The following EPHA6 variants were observed in gnomAD, a reference collection of about 807,000 sequenced individuals.
EPHA6 encodes EPH receptor A6, also known as ephrin type-A receptor 6.
A neutral mutation model predicts 112.0 loss-of-function variants in EPHA6; 50 were observed. The observed-to-expected ratio is 0.45, with a 90% CI of 0.36 to 0.56. EPHA6 has a LOEUF of 0.56. Among genes scored for constraint, EPHA6 ranks in the 20% least tolerant of loss-of-function variants. The pLI, the probability that EPHA6 is intolerant of heterozygous loss-of-function variation, is 0.00. For missense variants in EPHA6, 1,280 were observed against 1,417.4 expected, an observed-to-expected ratio of 0.90 and a Z score of 1.56; for synonymous variants, 529 against 490.7, an observed-to-expected ratio of 1.08 and a Z score of -1.03.
intron 1 of EPHA6, among the ~76,000 whole-genome samples, chr3:96,842,562 T>C (rs1005162734): frequency 2.0e-5 from 3 of 152,136 alleles, no homozygotes; most frequent in African/African-American, 7.2e-5. Context: ...AGATTGAATT[T>C]AGATTAAAAT....
chr3:97,656,511 T>A (rs772801497), intron 14 of EPHA6, among the ~76,000 whole-genome samples: 6 of 151,916 alleles, frequency 3.9e-5, no homozygotes, highest in Non-Finnish European at 8.8e-5. Flanking sequence ...TCTTAAAGTG[T>A]GTGTTTAAAG....
Position 97,244,018 on chromosome 3 carries a change from G to A in EPHA6, c.1337G>A (p.Ser446Asn). The A allele has an allele frequency of 6.2e-7, 1 of 1,612,406 alleles. No individual in the cohort carries two copies. Among genetic ancestry groups the A allele is most frequent in the Non-Finnish European group, 8.5e-7 (1 of 1,179,054 alleles). The change falls in exon 5 of 18, where the codon AGC (serine) becomes AAC (asparagine). Residue 446 changes from serine to asparagine, a missense_variant. Ser to Asn is a conservative substitution (Grantham distance 46, BLOSUM62 1). This residue lies in a region of EPHA6 where 878 missense variants were observed against 999.7 expected (regional missense o/e 0.88). Transcript: ENST00000389672. Reference protein sequence around the residue: ...INETALILEWSPPSDTGGRKD... With the variant: ...INETALILEWNPPSDTGGRKD... ...GAAACAGCCCTTATTTTGGAATGGA[G>A]CCCACCAAGTGACACAGGAGGGAGA...
intron 2 of EPHA6, among the ~76,000 whole-genome samples, chr3:96,875,983 C>A (rs1294124709): frequency 1.3e-5 from 2 of 151,158 alleles, no homozygotes; most frequent in Non-Finnish European, 3.0e-5. Context: ...ATTTTATCAG[C>A]AAGTTCTAAT....
chr3:97,447,666 T>C, intron 6 of EPHA6: 3 of 548,038 alleles, frequency 5.5e-6, no homozygotes, highest in Non-Finnish European at 7.1e-6. Context: ...TGAACTGTCC[T>C]GTTCTGAGAT....
At position 97,263,827 on chromosome 3, in the gene EPHA6, G is replaced by T. The variant is rs999335760; in HGVS notation, c.1606+19540G>T. On this transcript the variant is annotated intron_variant, in intron 5 of 17. Transcript: ENST00000389672. ...GGTAAACATGAAACCAAAGGTCTCT[G>T]GCTCCTGGTTTTTATTCTAATTCTG... Among the ~76,000 whole-genome samples the T allele has an allele frequency of 2.6e-5, 4 of 152,028 alleles. No individual in the cohort carries two copies. In the South Asian group the frequency reaches 8.3e-4, roughly 32 times the overall value.
rs151071680 is a variant in EPHA6 at position 97,682,960 on chromosome 3, C to T, written c.2785-37301C>T. ...TCAGTAATTTGCTGTAACCTGACTA[C>T]AGCTTAATAACAAATACCAGCTACA... On this transcript the variant is annotated intron_variant, in intron 14 of 17. Coordinates refer to ENST00000389672, the MANE Select transcript of EPHA6 (RefSeq NM_001080448.3). Among the ~76,000 whole-genome samples the T allele has an allele frequency of 2.3e-3, 356 of 152,282 alleles. 2 individuals are homozygous for T. The highest frequency in any genetic ancestry group is 7.7e-3 in the African/African-American group (318 of 41,564).
At chr3:97,421,012 T>C (rs2088578981) in intron 6 of EPHA6, among the ~76,000 whole-genome samples, 1 of 152,130 alleles carries the variant, frequency 6.6e-6, no homozygotes, top group South Asian at 2.1e-4. Flanking sequence ...CCATCTATTC[T>C]TGGGTATTAT....
At chr3:97,557,888 G>A (rs2093135475) in intron 11 of EPHA6, among the ~76,000 whole-genome samples, 3 of 151,704 alleles carry the variant, frequency 2.0e-5, no homozygotes, top group Admixed American at 1.3e-4. Flanking sequence ...AATCCCTTAA[G>A]AATTCTCATC....
At chr3:97,040,027 G>A (rs529394710) in intron 3 of EPHA6, among the ~76,000 whole-genome samples, 4 of 151,438 alleles carry the variant, frequency 2.6e-5, no homozygotes, top group Admixed American at 1.3e-4. Context: ...TAAGAAAACT[G>A]GTAGTTAAAT....
intron 5 of EPHA6, among the ~76,000 whole-genome samples, chr3:97,310,028 G>A (rs1335316049): frequency 6.6e-6 from 1 of 151,518 alleles, no homozygotes; most frequent in Non-Finnish European, 1.5e-5. Context: ...TTATCCTAAA[G>A]ATTCATTAAT....
chr3:97,678,888 A>C (rs2031626420), intron 14 of EPHA6, among the ~76,000 whole-genome samples: 1 of 152,196 alleles, frequency 6.6e-6, no homozygotes, highest in African/African-American at 2.4e-5. Flanking sequence ...TGTCTTACAA[A>C]TAACATAATT....
chr3:97,035,956 A>G (rs2045076173), intron 3 of EPHA6, among the ~76,000 whole-genome samples: 1 of 151,868 alleles, frequency 6.6e-6, no homozygotes, highest in Non-Finnish European at 1.5e-5. Context: ...GAAGAAATGA[A>G]CTCTCATGAA....
intron 11 of EPHA6, among the ~76,000 whole-genome samples, chr3:97,591,120 T>C (rs190856008): frequency 1.1e-4 from 17 of 152,280 alleles, no homozygotes; most frequent in African/African-American, 4.1e-4. Context: ...CCCCATAAAA[T>C]CAACAACAAA....
intron 8 of EPHA6, 138 bp from the exon 9 acceptor site, chr3:97,479,156 T>G: frequency 1.9e-6 from 1 of 538,476 alleles, no homozygotes; most frequent in South Asian, 2.9e-5. Flanking sequence ...CTATAGAATA[T>G]TTTCACGTTA....
At chr3:97,662,683 A>AT (rs1026903067) in intron 14 of EPHA6, among the ~76,000 whole-genome samples, 1 of 152,212 alleles carries the variant, frequency 6.6e-6, no homozygotes, top group African/African-American at 2.4e-5. Context: ...AAAGATGCCT[A>AT]TTTTTATGGC....
chr3:97,106,943 G>C (rs1166706729), intron 3 of EPHA6, among the ~76,000 whole-genome samples: 1 of 152,006 alleles, frequency 6.6e-6, no homozygotes, highest in Non-Finnish European at 1.5e-5. Flanking sequence ...CAGGTGTCTG[G>C]GATCAGAGTG....
chr3:97,740,260 T>C (rs1230040640), intron 16 of EPHA6, among the ~76,000 whole-genome samples: 1 of 152,084 alleles, frequency 6.6e-6, no homozygotes, highest in Non-Finnish European at 1.5e-5. Context: ...TGTAGTCAGC[T>C]GGTCAGTATC....
chr3:97,473,023 A>C (rs553831691), intron 7 of EPHA6, among the ~76,000 whole-genome samples: 11 of 151,870 alleles, frequency 7.2e-5, no homozygotes, highest in Non-Finnish European at 1.3e-4. Context: ...AATTTTGATA[A>C]TGAATTGACG....
At chr3:97,036,566 C>T (rs887217978) in intron 3 of EPHA6, among the ~76,000 whole-genome samples, 5 of 151,888 alleles carry the variant, frequency 3.3e-5, no homozygotes, top group Non-Finnish European at 2.9e-5. Flanking sequence ...CCAACTTGGA[C>T]GTTCTTCTAT....
Sources: gnomAD v4.1 joint callset for allele counts (sites outside exome capture counted in the v4.1 genomes callset) on GRCh38, gnomAD v4.1.1 for gene constraint, gnomAD v4.1.1 regional missense constraint, MANE v1.5 for transcripts, NCBI Gene and HGNC (gene_info 2026-07-23, HGNC 2026-07-21) for gene names.